UPF1: variants seen among roughly 807,000 people sequenced by gnomAD.
UPF1 encodes the protein regulator of nonsense transcripts 1.
A neutral mutation model predicts 129.2 loss-of-function variants in UPF1; 9 were observed. That is an observed-to-expected ratio of 0.07 (90% CI 0.04 to 0.12). The LOEUF (loss-of-function observed/expected upper bound fraction) is 0.12. Among genes scored for constraint, UPF1 ranks in the 10% least tolerant of loss-of-function variants. The probability of loss-of-function intolerance (pLI) is 1.00; values close to 1 mark genes in which losing one functional copy is unlikely to be tolerated. For synonymous variants in UPF1, 649 were observed against 644.9 expected (o/e 1.01, Z -0.10); for missense variants, 788 against 1,525.3 (o/e 0.52, Z 8.05).
Position 18,856,957 on chromosome 19 carries a change from C to T in UPF1, c.1905C>T (p.Ile635=), listed in dbSNP as rs776894441. 34 of 1,612,544 alleles carry T rather than the reference C, an allele frequency of 2.1e-5. No individual in the cohort carries two copies. Among genetic ancestry groups the T allele is most frequent in the Non-Finnish European group, 2.9e-5 (34 of 1,180,010 alleles). Residue 635 remains isoleucine (I), a synonymous_variant, in exon 14 of 24, where the codon ATC becomes ATT. Coordinates refer to ENST00000262803, the MANE Select transcript of UPF1 (RefSeq NM_002911.4). ...LAKMQFRSIL[I]DESTQATEPE... is the part of the protein sequence containing the mutation. ...AGATGCAGTTCCGCTCCATTTTAAT[C>T]GACGAAAGCACCCAGGCCACCGAGC...
rs576478239 is a variant in UPF1 at position 18,835,231 on chromosome 19, T to C, written c.231+2791T>C. Among the ~76,000 whole-genome samples the C allele has an allele frequency of 6.6e-4, 101 of 152,264 alleles. 1 individual carries two copies. Among genetic ancestry groups the C allele is most frequent in the Non-Finnish European group, 1.3e-3 (87 of 68,016 alleles). ...TGTGTCTGGCTCCTTTCACTCTGCG[T>C]GATGTGTGAGAAGTAGCTACAAGGT... On this transcript the variant is annotated intron_variant, in intron 1 of 23. Coordinates refer to ENST00000262803, the MANE Select transcript of UPF1 (RefSeq NM_002911.4).
At chr19:18,843,491 G>A (rs1013097198) in intron 1 of UPF1, among the ~76,000 whole-genome samples, 5 of 150,134 alleles carry the variant, frequency 3.3e-5, no homozygotes, top group African/African-American at 1.2e-4. Context: ...TGTGGTTTTC[G>A]TCTGTGGGAA....
rs1354953008 is a variant in UPF1, at chr19:18,867,842, G to C, written c.*1325G>C. On this transcript the variant is annotated 3_prime_UTR_variant, in exon 24 of 24. Transcript: ENST00000262803. The stretch of plus-strand genomic sequence containing the variant: ...CTTCCCCTGCCCCGGGCCTGGGGCT[G>C]TCACTGGCCCTGATCCGAACACCTC... 1 of 152,362 alleles carries C rather than the reference G, an allele frequency of 6.6e-6. No individual in the cohort carries two copies. The highest frequency in any genetic ancestry group is 2.4e-5 in the African/African-American group (1 of 41,464). The allele number at this position is 152,362 out of a possible 1,614,324, so 9.4% of individuals were successfully genotyped here. A position where few individuals can be genotyped will look rare whatever the true frequency, so the allele number is the denominator to read the frequency against.
At position 18,862,113 on chromosome 19, in the gene UPF1, A is replaced by G. The variant is rs748506121; in HGVS notation, c.2561A>G (p.Asn854Ser). The G allele has an allele frequency of 2.5e-6, 4 of 1,613,924 alleles. No individual in the cohort carries two copies. Among genetic ancestry groups the G allele is most frequent in the African/African-American group, 2.7e-5 (2 of 74,932 alleles). ...ANEHQGIGFL[N>S]DPRRLNVALT... ...GAGCACCAAGGCATTGGCTTTTTAA[A>G]TGACCCCAGGCGTCTGAACGTGGCC... The change falls in exon 18 of 24, where the codon AAT becomes AGT. Residue 854 changes from asparagine (N) to serine (S), a missense_variant. Asn to Ser is a conservative substitution (Grantham distance 46, BLOSUM62 1). Transcript: ENST00000262803.
chr19:18,867,292 G>T lies in UPF1; in HGVS notation c.*775G>T, dbSNP rs1417910381. ...TCTTTCTGCGGGGCATCAGGCTGCT[G>T]GGGTAGCCGCCCGCCGAGCCTGGAA... On this transcript the variant is annotated 3_prime_UTR_variant, in exon 24 of 24. Coordinates refer to ENST00000262803, the MANE Select transcript of UPF1 (RefSeq NM_002911.4). 6.6e-6 allele frequency: 1 copy of T among 152,254 alleles called. No individual in the cohort carries two copies. 9.4% of individuals were successfully genotyped at this position (152,254 alleles called of 1,614,324 possible). A position where few individuals can be genotyped will look rare whatever the true frequency, so the allele number is the denominator to read the frequency against.
At chr19:18,852,826 G>A (rs1431081891) in intron 6 of UPF1, among the ~76,000 whole-genome samples, 161 bp from the exon 7 acceptor site, 1 of 152,150 alleles carries the variant, frequency 6.6e-6, no homozygotes, top group East Asian at 1.9e-4. Flanking sequence ...TCTTTCAGAT[G>A]TGCCCTTGGT....
At chr19:18,854,565 C>T (rs774889466) in intron 8 of UPF1, 36 bp from the exon 9 acceptor site, 2 of 1,566,764 alleles carry the variant, frequency 1.3e-6, no homozygotes, top group Middle Eastern at 1.7e-4. Context: ...GTCAGCCCGG[C>T]TTTTGACAAG....
In UPF1 at chr19:18,854,970, G is replaced by A. The variant is rs1395016855; in HGVS notation, c.1357G>A (p.Val453Ile). Residue 453 changes from valine (V) to isoleucine (I), a missense_variant, in exon 10 of 24, where the codon GTA (valine) becomes ATA (isoleucine). Transcript: ENST00000262803. ...GCTGTTGGGCCACGAGGTGGAGGACGTAATCATCAAGTGCCAGCTGCCCAA... is the reference window on the plus strand; with the variant it reads ...GCTGTTGGGCCACGAGGTGGAGGACATAATCATCAAGTGCCAGCTGCCCAA... Reference protein sequence around the residue: ...HKLLGHEVEDVIIKCQLPKRF... With the variant: ...HKLLGHEVEDIIIKCQLPKRF... 4 of 1,614,222 alleles carry A rather than the reference G, an allele frequency of 2.5e-6. No homozygotes were observed. Among genetic ancestry groups the A allele is most frequent in the Admixed American group, 1.7e-5 (1 of 60,036 alleles).
At chr19:18,833,572 G>T (rs1167409213) in intron 1 of UPF1, among the ~76,000 whole-genome samples, 1 of 151,984 alleles carries the variant, frequency 6.6e-6, no homozygotes, top group Admixed American at 6.6e-5. Context: ...GGGCTGGGGG[G>T]GTGGCGCGTG....
intron 1 of UPF1, among the ~76,000 whole-genome samples, chr19:18,843,518 G>GTTTTTTTT (rs35934501): frequency 1.6e-5 from 2 of 124,058 alleles, no homozygotes; most frequent in African/African-American, 3.1e-5. Flanking sequence ...GACTTTCTTT[G>GTTTTTTTT]TTTTTTTTTT....
chr19:18,834,118 G>C (rs897841035), intron 1 of UPF1, among the ~76,000 whole-genome samples: 9 of 152,290 alleles, frequency 5.9e-5, no homozygotes, highest in African/African-American at 2.2e-4. Flanking sequence ...TTCCGCAGCT[G>C]TGAAATGGGG....
intron 15 of UPF1, 190 bp from the exon 16 acceptor site, chr19:18,860,125 CTCCTCA>C: frequency 1.9e-5 from 12 of 629,044 alleles, no homozygotes; most frequent in Admixed American, 7.6e-5. Flanking sequence ...TCGGTGGCCT[CTCCTCA>C]GCCTTGCCCA....
At chr19:18,862,373 C>G (rs1010658376) in intron 18 of UPF1, among the ~76,000 whole-genome samples, 6 of 152,138 alleles carry the variant, frequency 3.9e-5, no homozygotes, top group African/African-American at 1.4e-4. Context: ...CCAGGCCCTT[C>G]TGGTCTGATT....
intron 13 of UPF1, 25 bp from the exon 14 acceptor site, chr19:18,856,852 C>G (rs1321672083): frequency 6.2e-7 from 1 of 1,600,492 alleles, no homozygotes; most frequent in African/African-American, 1.3e-5. Context: ...TGCAGGTGCC[C>G]TGATGCCTCT....
Position 18,866,179 on chromosome 19 carries a change from G to A in UPF1, c.*3+13G>A, listed in dbSNP as rs10416612. On this transcript the variant is annotated intron_variant, in intron 23 of 23. Coordinates refer to ENST00000262803, the MANE Select transcript of UPF1 (RefSeq NM_002911.4). ...CCAGTATTAAAAGGCAAGCCCCCCT[G>A]GAGCAGGCCTGGCCCCACCCCAGCC... 62,166 of 1,576,600 alleles carry A rather than the reference G, an allele frequency of 0.039. 1,659 individuals carry two copies. Among genetic ancestry groups the A allele is most frequent in the African/African-American group, 0.12 (8,558 of 73,788 alleles).
Position 18,850,383 on chromosome 19 carries a change from C to T in UPF1, c.629+141C>T. ...AGATGGTTTTTGCTGAAGGGTGAGGCATGAGAGCGTTTAGGCGCTGAGGCT... is the reference window on the plus strand; with the variant it reads ...AGATGGTTTTTGCTGAAGGGTGAGGTATGAGAGCGTTTAGGCGCTGAGGCT... On this transcript the variant is annotated intron_variant, in intron 4 of 23. Coordinates refer to ENST00000262803, the MANE Select transcript of UPF1 (RefSeq NM_002911.4). The surrounding 1 kb of genome is among the most constrained non-coding windows in gnomAD (Gnocchi z 7.1). 1 of 1,253,198 alleles carries T rather than the reference C, an allele frequency of 8.0e-7. No individual in the cohort carries two copies. Among genetic ancestry groups the T allele is most frequent in the South Asian group, 1.5e-5 (1 of 64,710 alleles). 77.6% of individuals were successfully genotyped at this position (1,253,198 alleles called of 1,614,324 possible). A position where few individuals can be genotyped will look rare whatever the true frequency, so the allele number is the denominator to read the frequency against.
chr19:18,832,867 T>C lies in UPF1; in HGVS notation c.231+427T>C, dbSNP rs575350392. Among the ~76,000 whole-genome samples, 1 of 152,280 alleles carries C rather than the reference T, an allele frequency of 6.6e-6. No individual in the cohort carries two copies. Among genetic ancestry groups the C allele is most frequent in the South Asian group, 2.1e-4 (1 of 4,826 alleles). On this transcript the variant is annotated intron_variant, in intron 1 of 23. Coordinates refer to ENST00000262803, the MANE Select transcript of UPF1 (RefSeq NM_002911.4). This position sits in a 1 kb window ranked among gnomAD's most constrained non-coding sequence, Gnocchi z 5.6. Reference sequence around the variant, plus strand: ...CTGGAGTAACCTGCCCCCTGACTTATCTGAGTTCTTCCATTCCATCCGGGC... The same window carrying C: ...CTGGAGTAACCTGCCCCCTGACTTACCTGAGTTCTTCCATTCCATCCGGGC...
Position 18,853,495 on chromosome 19 carries a change from G to A in UPF1, c.1156+145G>A, listed in dbSNP as rs551974709. On this transcript the variant is annotated intron_variant, in intron 8 of 23. Transcript: ENST00000262803. The surrounding 1 kb of genome is among the most constrained non-coding windows in gnomAD (Gnocchi z 4.4). ...GTGCTGGTTGGCATCGCCCTCCACTGCTCTTAGGAGAATCACAGGGCCTTC... is the reference window on the plus strand; with the variant it reads ...GTGCTGGTTGGCATCGCCCTCCACTACTCTTAGGAGAATCACAGGGCCTTC... 6.9e-6 allele frequency: 5 copies of A among 721,690 alleles called. No individual in the cohort carries two copies. The African/African-American group carries it at 9.0e-5, about 13-fold the overall frequency. The allele number at this position is 721,690 out of a possible 1,614,324, so 44.7% of individuals were successfully genotyped here. A position where few individuals can be genotyped will look rare whatever the true frequency, so the allele number is the denominator to read the frequency against.
intron 1 of UPF1, among the ~76,000 whole-genome samples, chr19:18,841,794 C>T (rs141069811): frequency 3.3e-5 from 5 of 152,172 alleles, no homozygotes; most frequent in East Asian, 1.9e-4. Context: ...ACACTCGGCC[C>T]GTTGAAATGA....
Sources: allele counts gnomAD v4.1 joint callset (sites outside exome capture counted in the v4.1 genomes callset), GRCh38; gene constraint gnomAD v4.1.1; non-coding constraint Gnocchi (gnomAD v3.1); transcripts MANE v1.5; gene names NCBI Gene and HGNC (gene_info 2026-07-23, HGNC 2026-07-21).